RHBDD1: variants seen among roughly 807,000 people sequenced by gnomAD.
The protein encoded by RHBDD1 is rhomboid domain containing 1.
A neutral mutation model predicts 36.3 loss-of-function variants in RHBDD1; 38 were observed. The ratio of observed to expected loss-of-function variants is 1.05; its 90% CI spans 0.81 to 1.37. The LOEUF is 1.37. Ranked by LOEUF, RHBDD1 falls within the 40% of genes most tolerant of loss-of-function variation. The probability of loss-of-function intolerance (pLI) is 0.00; values close to 1 mark genes in which losing one functional copy is unlikely to be tolerated. For missense variants in RHBDD1, 393 were observed against 377.6 expected (o/e 1.04, Z -0.34); for synonymous variants, 151 against 136.5 (o/e 1.11, Z -0.74).
chr2:226,824,982 A>T, the RHBDD1 span, among the ~76,000 whole-genome samples: 1 of 152,216 alleles, frequency 6.6e-6, no homozygotes, highest in Non-Finnish European at 1.5e-5. Flanking sequence ...CCTAAGAATC[A>T]TCTGCTACTG....
intron 5 of RHBDD1, among the ~76,000 whole-genome samples, chr2:226,894,739 A>C (rs61166131): frequency 0.25 from 38,213 of 152,080 alleles, 5,671 homozygotes; most frequent in African/African-American, 0.42. Flanking sequence ...TATTTAGGCT[A>C]TAAGGTGGTA....
chr2:226,800,686 G>A, the RHBDD1 span, among the ~76,000 whole-genome samples: 1 of 152,174 alleles, frequency 6.6e-6, no homozygotes, highest in Non-Finnish European at 1.5e-5. Flanking sequence ...AAAGCTGTTA[G>A]GGACCTTCAG....
chr2:226,995,511 G>C lies in RHBDD1; in HGVS notation c.937G>C (p.Asp313His). The change falls in exon 9 of 9, where the codon GAT becomes CAT. Residue 313 changes from aspartate (D) to histidine (H), a missense_variant. Asp to His is a moderately conservative substitution (Grantham distance 81, BLOSUM62 -1). Coordinates refer to ENST00000392062, the MANE Select transcript of RHBDD1 (RefSeq NM_001167608.3). ...EMRRQRLHRF[D>H]SQ ...GAGGAGACAGCGGCTTCACAGATTCGATAGCCAGTGAGGTGGCATCTTGGG... is the reference window on the plus strand; with the variant it reads ...GAGGAGACAGCGGCTTCACAGATTCCATAGCCAGTGAGGTGGCATCTTGGG... The C allele has an allele frequency of 6.2e-7, 1 of 1,609,320 alleles. No individual in the cohort carries two copies. Among genetic ancestry groups the C allele is most frequent in the Non-Finnish European group, 8.5e-7 (1 of 1,176,882 alleles).
chr2:226,919,925 T>C (rs912265372), intron 8 of RHBDD1, among the ~76,000 whole-genome samples: 1 of 152,074 alleles, frequency 6.6e-6, no homozygotes, highest in African/African-American at 2.4e-5. Context: ...GTATGGACAT[T>C]TTAACAATAT....
rs79925287 is a variant in RHBDD1, at chr2:226,909,890, T to G, written c.712+1012T>G. Among the ~76,000 whole-genome samples the G allele has an allele frequency of 1.6e-4, 24 of 152,322 alleles. No homozygotes were observed. The East Asian group carries it at 4.6e-3, about 29-fold the overall frequency. ...TATATTAATTGAGGACCACTATAGC[T>G]TAAAGCTGAGACTAGCAGCCTTTTC... On this transcript the variant is annotated intron_variant, in intron 7 of 8. Coordinates refer to ENST00000392062, the MANE Select transcript of RHBDD1 (RefSeq NM_001167608.3).
At chr2:226,822,134 A>G in the RHBDD1 span, among the ~76,000 whole-genome samples, 1 of 152,226 alleles carries the variant, frequency 6.6e-6, no homozygotes, top group African/African-American at 2.4e-5. Flanking sequence ...TGTTAGGCCC[A>G]CAAATAGCTT....
At chr2:226,863,828 G>T (rs73083698) in intron 3 of RHBDD1, among the ~76,000 whole-genome samples, 5,649 of 152,232 alleles carry the variant, frequency 0.037, 359 homozygotes, top group African/African-American at 0.13. Context: ...TGGAGAAGCG[G>T]GCTAGTAAGC....
intron 5 of RHBDD1, among the ~76,000 whole-genome samples, chr2:226,869,428 A>G (rs908009459): frequency 2.6e-5 from 4 of 152,198 alleles, no homozygotes; most frequent in African/African-American, 7.2e-5. Flanking sequence ...GGCTGAAACT[A>G]GAGCTCTCTT....
intron 3 of RHBDD1, among the ~76,000 whole-genome samples, chr2:226,861,568 C>T (rs1417072391): frequency 6.6e-6 from 1 of 152,176 alleles, no homozygotes; most frequent in Non-Finnish European, 1.5e-5. Context: ...CTACATAAAG[C>T]CCAGCATCAT....
intron 8 of RHBDD1, among the ~76,000 whole-genome samples, chr2:226,945,029 G>T (rs533790966): frequency 3.3e-5 from 5 of 152,078 alleles, no homozygotes; most frequent in Admixed American, 1.3e-4. Flanking sequence ...TTGTGGGGAG[G>T]ATTGCAATTT....
At position 226,864,999 on chromosome 2, in the gene RHBDD1, A is replaced by T; in HGVS notation, c.306A>T (p.Arg102Ser). 4 of 1,614,214 alleles carry T rather than the reference A, an allele frequency of 2.5e-6. No individual in the cohort carries two copies. The highest frequency in any genetic ancestry group is 3.4e-6 in the Non-Finnish European group (4 of 1,180,024). ...GINLERRLGSRWFAYVITAFS... is the reference protein window; with the variant it reads ...GINLERRLGSSWFAYVITAFS... ...ATCTAGAAAGAAGACTGGGAAGTAG[A>T]TGGTTTGCCTATGTTATCACCGCAT... is the stretch of plus-strand genomic sequence containing the variant. The change falls in exon 4 of 9, where the codon AGA becomes AGT. Residue 102 changes from arginine (R) to serine (S), a missense_variant. Physicochemically the swap from Arg to Ser is moderately radical, Grantham distance 110. Transcript: ENST00000392062.
chr2:226,974,430 G>A (rs1292214875), intron 8 of RHBDD1, among the ~76,000 whole-genome samples: 2 of 151,916 alleles, frequency 1.3e-5, no homozygotes, highest in Non-Finnish European at 2.9e-5. Flanking sequence ...GTAGAGACGG[G>A]GTTTCACCGT....
intron 5 of RHBDD1, among the ~76,000 whole-genome samples, chr2:226,894,108 C>T (rs954395865): frequency 3.9e-5 from 6 of 152,136 alleles, no homozygotes; most frequent in African/African-American, 1.4e-4. Context: ...ACATTACCCA[C>T]GGAACCTTGA....
At chr2:226,868,840 G>A (rs913904150) in intron 5 of RHBDD1, among the ~76,000 whole-genome samples, 1 of 152,282 alleles carries the variant, frequency 6.6e-6, no homozygotes. Context: ...ACAGTTCCAC[G>A]AAGAAAGCCT....
chr2:226,908,626 T>A, intron 6 of RHBDD1, 196 bp from the exon 7 acceptor site: 1 of 558,002 alleles, frequency 1.8e-6, no homozygotes, highest in Non-Finnish European at 3.2e-6. Context: ...CACACATTCT[T>A]TTCCCTGTAG....
In RHBDD1 at chr2:226,994,053, A is replaced by G. The variant is rs569089455; in HGVS notation, c.857-1378A>G. On this transcript the variant is annotated intron_variant, in intron 8 of 8. Transcript: ENST00000392062. ...GGGTTCTGCAAATGGGTCCAAGGCC[A>G]TGTGTGCTGGCTGCTGCTTTTGAGA... is the stretch of plus-strand genomic sequence containing the variant. 5.3e-5 allele frequency among the ~76,000 whole-genome samples: 8 copies of G among 152,132 alleles called. No individual in the cohort carries two copies. In the South Asian group the frequency reaches 1.2e-3, roughly 24 times the overall value.
chr2:226,858,867 A>C (rs1431313679), intron 3 of RHBDD1, among the ~76,000 whole-genome samples: 3 of 152,194 alleles, frequency 2.0e-5, no homozygotes, highest in African/African-American at 7.2e-5. Flanking sequence ...AGTACTGTCT[A>C]GTCTGTATTA....
At chr2:226,929,531 T>TA (rs1359484949) in intron 8 of RHBDD1, among the ~76,000 whole-genome samples, 1 of 152,048 alleles carries the variant, frequency 6.6e-6, no homozygotes, top group Non-Finnish European at 1.5e-5. Flanking sequence ...GTGACAGACT[T>TA]ACAGCCAATA....
At chr2:226,835,803 G>A (rs537706359), upstream of RHBDD1, 1 of 152,436 alleles carries the variant, frequency 6.6e-6, no homozygotes, top group African/African-American at 2.4e-5. Context: ...TTCACATGGA[G>A]CTTAGAGGAC....
Sources: gnomAD v4.1 joint callset for allele counts (sites outside exome capture counted in the v4.1 genomes callset) on GRCh38, gnomAD v4.1.1 for gene constraint, MANE v1.5 for transcripts, NCBI Gene and HGNC (gene_info 2026-07-23, HGNC 2026-07-21) for gene names.